MTCL1: variants seen among roughly 807,000 people sequenced by gnomAD.
MTCL1 encodes microtubule cross-linking factor 1.
In MTCL1, 79 loss-of-function variants were observed where a neutral mutation model predicts 141.4. That is an observed-to-expected ratio of 0.56 (90% CI 0.47 to 0.67). The LOEUF is 0.67. Ranked by LOEUF, MTCL1 falls within the 30% of genes least tolerant of loss-of-function variation. The pLI, the probability that MTCL1 is intolerant of heterozygous loss-of-function variation, is 0.00. For synonymous variants in MTCL1, 914 were observed against 875.8 expected (o/e 1.04, Z -0.77); for missense variants, 2,177 against 2,113.9 (o/e 1.03, Z -0.59).
intron 6 of MTCL1, 102 bp from the exon 6 acceptor site, chr18:8,785,834 T>C (rs1405664811): frequency 1.8e-5 from 26 of 1,435,942 alleles, no homozygotes; most frequent in Non-Finnish European, 2.2e-5. Context: ...TTTGTTTTCT[T>C]TATCCCCCCT....
intron 8 of MTCL1, among the ~76,000 whole-genome samples, 180 bp from the exon 8 acceptor site, chr18:8,796,052 A>G (rs1979945): frequency 0.71 from 107,461 of 152,068 alleles, 38,186 homozygotes; most frequent in Admixed American, 0.81. Flanking sequence ...AATACTCATG[A>G]GGTTTTGTAA....
chr18:8,829,889 A>G, intron 16 of MTCL1: 1 of 985,120 alleles, frequency 1.0e-6, no homozygotes, highest in Non-Finnish European at 1.2e-6. Flanking sequence ...TTGAATGCAG[A>G]CTCACAGTGA....
chr18:8,820,780 A>G (rs983910448), intron 13 of MTCL1, among the ~76,000 whole-genome samples: 2 of 152,168 alleles, frequency 1.3e-5, no homozygotes, highest in Non-Finnish European at 2.9e-5. Flanking sequence ...ACCCCTTGCT[A>G]TTTACTGTCT....
Position 8,731,166 on chromosome 18 carries a change from A to AC in MTCL1, c.357+10673dup, listed in dbSNP as rs1598420322. Among the ~76,000 whole-genome samples the AC allele has an allele frequency of 2.0e-5, 3 of 152,032 alleles. No homozygotes were observed. The East Asian group carries it at 5.8e-4, about 29-fold the overall frequency. On this transcript the variant is annotated intron_variant, in intron 4 of 16. Transcript: ENST00000359865. ...AGGCTGAGGCAGGAGAATGGCGTGA[A>AC]CCCGGGAGTCAGAGCTTGCAGTGAG...
chr18:8,807,042 C>T (rs757367693), exon 11 of MTCL1: 1 of 1,613,396 alleles, frequency 6.2e-7, no homozygotes, highest in Non-Finnish European at 8.5e-7. Context: ...GGGCCGTGCT[C>T]AAGTGCCGTC....
chr18:8,812,942 T>C (rs766738438), intron 11 of MTCL1, 37 bp from the exon 11 acceptor site: 9 of 1,583,788 alleles, frequency 5.7e-6, no homozygotes, highest in South Asian at 2.3e-5. Context: ...GCAAGACTTG[T>C]CAGAGAGGGA....
chr18:8,772,443 A>C (rs2143086035), intron 4 of MTCL1, among the ~76,000 whole-genome samples: 1 of 152,238 alleles, frequency 6.6e-6, no homozygotes, highest in East Asian at 1.9e-4. Flanking sequence ...TTTTAAAGGA[A>C]ATAGTACTTA....
exon 3 of MTCL1, chr18:8,718,522 C>T: frequency 1.9e-6 from 3 of 1,614,170 alleles, no homozygotes; most frequent in Non-Finnish European, 2.5e-6. Context: ...GAGAACTGGA[C>T]CGCGCTAATA....
exon 6 of MTCL1, chr18:8,784,602 G>T: frequency 1.2e-6 from 2 of 1,612,610 alleles, no homozygotes; most frequent in Non-Finnish European, 1.7e-6. Context: ...GGCCTCCAGG[G>T]CGAAGAGGAG....
intron 4 of MTCL1, among the ~76,000 whole-genome samples, chr18:8,735,547 A>G (rs1035300): frequency 0.38 from 58,429 of 151,952 alleles, 11,514 homozygotes; most frequent in African/African-American, 0.46. Flanking sequence ...TAGGGGTGGT[A>G]GAACACATTT....
intron 4 of MTCL1, among the ~76,000 whole-genome samples, chr18:8,773,548 T>C (rs1598592218): frequency 6.6e-6 from 1 of 152,360 alleles, no homozygotes; most frequent in East Asian, 1.9e-4. Flanking sequence ...ATGTATTCTT[T>C]TTAAAAGTTA....
chr18:8,731,055 C>A (rs2096247715), intron 4 of MTCL1, among the ~76,000 whole-genome samples: 1 of 151,916 alleles, frequency 6.6e-6, no homozygotes, highest in Non-Finnish European at 1.5e-5. Flanking sequence ...ACCATCCTGG[C>A]TAACACGGTG....
intron 4 of MTCL1, among the ~76,000 whole-genome samples, chr18:8,737,389 C>T (rs755779870): frequency 6.6e-6 from 1 of 152,180 alleles, no homozygotes; most frequent in Non-Finnish European, 1.5e-5. Flanking sequence ...AATCTCACTT[C>T]GTACCTGTAT....
rs148735431 is a variant in MTCL1 at position 8,734,295 on chromosome 18, T to TG, written c.357+13800dup. ...GGAGGGAAGAGTCATCGCTTGACCC[T>TG]GAGTACTTTGTGTTGAAGGATTTCA... On this transcript the variant is annotated intron_variant, in intron 4 of 16. Transcript: ENST00000359865. 9.2e-4 allele frequency among the ~76,000 whole-genome samples: 140 copies of TG among 152,214 alleles called. 1 individual carries two copies. The East Asian group carries it at 0.024, about 26-fold the overall frequency.
chr18:8,770,525 C>T (rs72936077), intron 4 of MTCL1, among the ~76,000 whole-genome samples: 7,032 of 152,278 alleles, frequency 0.046, 197 homozygotes, highest in Middle Eastern at 0.12. Context: ...CTTACAAGGA[C>T]GCTAATCCCA....
chr18:8,769,309 G>C (rs624112), intron 4 of MTCL1, among the ~76,000 whole-genome samples: 35,944 of 152,038 alleles, frequency 0.24, 4,621 homozygotes, highest in East Asian at 0.52. Context: ...TTGCAGTTTG[G>C]GGGAAGGATA....
intron 14 of MTCL1, 132 bp downstream of exon 13, chr18:8,821,630 T>C (rs1419454057): frequency 3.9e-6 from 2 of 516,926 alleles, no homozygotes; most frequent in Non-Finnish European, 7.0e-6. Context: ...TCTGAAGAAG[T>C]GGCTGCTTTA....
intron 6 of MTCL1, chr18:8,785,667 C>A: frequency 2.1e-6 from 1 of 467,578 alleles, no homozygotes; most frequent in Non-Finnish European, 3.8e-6. Context: ...TTTGCACCCC[C>A]ACTTTCTCTT....
At chr18:8,749,868 C>T (rs1025745601) in intron 4 of MTCL1, among the ~76,000 whole-genome samples, 12 of 152,094 alleles carry the variant, frequency 7.9e-5, no homozygotes, top group Admixed American at 6.5e-4. Flanking sequence ...TGTTGGGACC[C>T]AGCTATAAAC....
Sources: gnomAD v4.1 joint callset for allele counts (sites outside exome capture counted in the v4.1 genomes callset) on GRCh38, gnomAD v4.1.1 for gene constraint, MANE v1.5 for transcripts, NCBI Gene and HGNC (gene_info 2026-07-23, HGNC 2026-07-21) for gene names.